Variants in TFPI observed in about 807,000 individuals in gnomAD.
The protein encoded by TFPI is anti-convertin.
In TFPI, 15 loss-of-function variants were observed where a neutral mutation model predicts 34.6. The observed-to-expected ratio is 0.43, with a 90% CI of 0.29 to 0.67. The LOEUF (loss-of-function observed/expected upper bound fraction) is 0.67. TFPI is among the 30% of genes least tolerant of loss of function. The pLI is 0.15. For missense variants in TFPI, 301 were observed against 364.0 expected (o/e 0.83, Z 1.41); for synonymous variants, 105 against 120.1 (o/e 0.87, Z 0.82).
intron 1 of TFPI, among the ~76,000 whole-genome samples, chr2:187,551,355 C>T (rs923436319): frequency 6.6e-6 from 1 of 152,054 alleles, no homozygotes; most frequent in Non-Finnish European, 1.5e-5. Flanking sequence ...GAGGACATAG[C>T]ATCCCAAATA....
At chr2:187,522,884 G>T (rs559222899) in intron 1 of TFPI, among the ~76,000 whole-genome samples, 2 of 137,448 alleles carry the variant, frequency 1.5e-5, no homozygotes, top group African/African-American at 5.5e-5. Flanking sequence ...GAGCGAGACT[G>T]TGTCTCAAAA....
chr2:187,469,761 C>T (rs567826096), intron 6 of TFPI, among the ~76,000 whole-genome samples: 1 of 152,196 alleles, frequency 6.6e-6, no homozygotes, highest in East Asian at 1.9e-4. Flanking sequence ...CATCATAAAT[C>T]AAAGTTGAAT....
chr2:187,479,510 T>A (rs1692663176), intron 6 of TFPI, among the ~76,000 whole-genome samples: 1 of 144,180 alleles, frequency 6.9e-6, no homozygotes, highest in Non-Finnish European at 1.5e-5. Flanking sequence ...CCTAAGCCCC[T>A]ATTAGTTTAT....
intron 1 of TFPI, among the ~76,000 whole-genome samples, chr2:187,512,468 A>G (rs1398895048): frequency 1.3e-5 from 2 of 151,866 alleles, no homozygotes; most frequent in African/African-American, 4.8e-5. Flanking sequence ...CAGACCTAAG[A>G]GGAACTCCCT....
At chr2:187,475,618 C>T (rs1490252145) in intron 6 of TFPI, among the ~76,000 whole-genome samples, 1 of 151,918 alleles carries the variant, frequency 6.6e-6, no homozygotes, top group Non-Finnish European at 1.5e-5. Flanking sequence ...CTTCTTGCCA[C>T]ATAGAACAAA....
At chr2:187,508,760 C>G (rs1424827420) in intron 1 of TFPI, among the ~76,000 whole-genome samples, 2 of 152,140 alleles carry the variant, frequency 1.3e-5, no homozygotes, top group Non-Finnish European at 2.9e-5. Flanking sequence ...ATTTGACTTC[C>G]TCTCTTCCTA....
intron 1 of TFPI, among the ~76,000 whole-genome samples, chr2:187,513,052 A>G (rs1686754696): frequency 6.6e-6 from 1 of 152,158 alleles, no homozygotes; most frequent in Non-Finnish European, 1.5e-5. Flanking sequence ...AGTAAAATAT[A>G]CCTTTGGTAA....
intron 1 of TFPI, among the ~76,000 whole-genome samples, chr2:187,525,288 G>A (rs1437483328): frequency 6.6e-6 from 1 of 152,034 alleles, no homozygotes; most frequent in Non-Finnish European, 1.5e-5. Flanking sequence ...TGTGAGTCCA[G>A]AATTCATGGA....
chr2:187,466,132 A>C lies in TFPI; in HGVS notation c.*804T>G, dbSNP rs1174486619. 6.6e-6 allele frequency: 1 copy of C among 152,160 alleles called. No homozygotes were observed. The highest frequency in any genetic ancestry group is 1.5e-5 in the Non-Finnish European group (1 of 68,026). The allele number at this position is 152,160 out of a possible 1,614,324, so 9.4% of individuals were successfully genotyped here. ...AATATTTTTGTTATTTTTAGTAAGA[A>C]AAAATATTGGGAAGCATAGTATTAA... On this transcript the variant is annotated 3_prime_UTR_variant, in exon 8 of 8. Coordinates refer to ENST00000233156, the MANE Select transcript of TFPI (RefSeq NM_006287.6).
chr2:187,517,933 G>C (rs937627682), intron 1 of TFPI: 2 of 152,130 alleles, frequency 1.3e-5, no homozygotes, highest in Non-Finnish European at 2.9e-5. Context: ...TTGGTTTAAA[G>C]CCTGTTTTAT....
At chr2:187,473,240 T>C (rs1692166282) in intron 6 of TFPI, among the ~76,000 whole-genome samples, 1 of 152,134 alleles carries the variant, frequency 6.6e-6, no homozygotes, top group African/African-American at 2.4e-5. Flanking sequence ...TAAGAGGACA[T>C]GCAATCAGTT....
intron 1 of TFPI, among the ~76,000 whole-genome samples, chr2:187,537,043 T>C (rs1688298639): frequency 6.6e-6 from 1 of 151,502 alleles, no homozygotes; most frequent in South Asian, 2.1e-4. Flanking sequence ...GTGAAGGACC[T>C]CTTCAAGGAG....
At chr2:187,490,337 G>C (rs1685034677) in intron 3 of TFPI, among the ~76,000 whole-genome samples, 1 of 151,610 alleles carries the variant, frequency 6.6e-6, no homozygotes, top group Non-Finnish European at 1.5e-5. Context: ...AAGGTGTCTT[G>C]AAGTATGTAA....
At chr2:187,493,832 C>T (rs1685283692) in intron 3 of TFPI, among the ~76,000 whole-genome samples, 1 of 152,208 alleles carries the variant, frequency 6.6e-6, no homozygotes, top group African/African-American at 2.4e-5. Context: ...GAGACCACCT[C>T]AGGCTGGACC....
intron 1 of TFPI, among the ~76,000 whole-genome samples, chr2:187,534,333 C>A (rs1039031242): frequency 6.6e-6 from 1 of 152,166 alleles, no homozygotes; most frequent in Non-Finnish European, 1.5e-5. Context: ...TGTTGGGTTT[C>A]CCATAAAGGG....
chr2:187,527,260 A>G (rs1227959839), intron 1 of TFPI: 1 of 152,168 alleles, frequency 6.6e-6, no homozygotes, highest in African/African-American at 2.4e-5. Context: ...AGTATTCTCA[A>G]TTGTAAATCC....
At chr2:187,532,459 A>T (rs1205985269) in intron 1 of TFPI, among the ~76,000 whole-genome samples, 1 of 152,186 alleles carries the variant, frequency 6.6e-6, no homozygotes, top group Non-Finnish European at 1.5e-5. Context: ...GCGTTGCCTC[A>T]CCTGGGAAGC....
intron 1 of TFPI, among the ~76,000 whole-genome samples, chr2:187,529,978 T>C (rs962773355): frequency 1.2e-4 from 19 of 152,190 alleles, no homozygotes; most frequent in Non-Finnish European, 2.8e-4. Flanking sequence ...AACTATGGTG[T>C]TTGTTTATTC....
At chr2:187,470,479 G>A (rs1378594328) in intron 6 of TFPI, among the ~76,000 whole-genome samples, 1 of 152,162 alleles carries the variant, frequency 6.6e-6, no homozygotes, top group African/African-American at 2.4e-5. Context: ...ATGAGAAGAG[G>A]AGCCTCTGTT....
Sources: allele counts gnomAD v4.1 joint callset (sites outside exome capture counted in the v4.1 genomes callset), GRCh38; gene constraint gnomAD v4.1.1; transcripts MANE v1.5; gene names NCBI Gene and HGNC (gene_info 2026-07-23, HGNC 2026-07-21).